The following KIF16B variants were observed in gnomAD, a reference collection of about 807,000 sequenced individuals.
The protein encoded by KIF16B is kinesin-like protein KIF16B.
Under a neutral mutation model 156.3 loss-of-function variants are expected in KIF16B, and 98 were observed. The ratio of observed to expected loss-of-function variants is 0.63; its 90% CI spans 0.53 to 0.74. The LOEUF is 0.74. Among genes scored for constraint, KIF16B ranks in the 30% least tolerant of loss-of-function variants. The pLI, the probability that KIF16B is intolerant of heterozygous loss-of-function variation, is 0.00. For synonymous variants in KIF16B, 564 were observed against 583.7 expected, an observed-to-expected ratio of 0.97 and a Z score of 0.49; for missense variants, 1,421 against 1,606.5, an observed-to-expected ratio of 0.88 and a Z score of 1.97.
At chr20:16,343,600 A>C (rs185100571) in intron 23 of KIF16B, among the ~76,000 whole-genome samples, 11 of 152,318 alleles carry the variant, frequency 7.2e-5, no homozygotes, top group Non-Finnish European at 1.5e-4. Context: ...GTTCTGTCTG[A>C]TTTTTGCAAA....
At chr20:16,394,490 A>C (rs186589021) in intron 17 of KIF16B, among the ~76,000 whole-genome samples, 63 of 152,366 alleles carry the variant, frequency 4.1e-4, no homozygotes, top group Admixed American at 3.1e-3. Context: ...ATCTATAGCC[A>C]ACTGTAAAGT....
In KIF16B at chr20:16,427,185, T is replaced by TC; in HGVS notation, c.1530dup (p.Thr511AspfsTer42). The TC allele has an allele frequency of 6.2e-7, 1 of 1,612,454 alleles. No individual in the cohort carries two copies. The highest frequency in any genetic ancestry group is 8.5e-7 in the Non-Finnish European group (1 of 1,179,106). ...CCACTCAGGGGTATCAGAGTCACTGTCCCCCCGATATTTTCAAAGATGCAA... is the reference window on the plus strand; with the variant it reads ...CCACTCAGGGGTATCAGAGTCACTGTCCCCCCCGATATTTTCAAAGATGCAA... On this transcript the variant is annotated frameshift_variant, in exon 15 of 26. Coordinates refer to ENST00000354981, the MANE Select transcript of KIF16B (RefSeq NM_024704.5). LOFTEE classifies it high-confidence loss of function.
At chr20:16,476,596 C>T (rs895277434) in intron 12 of KIF16B, among the ~76,000 whole-genome samples, 5 of 151,984 alleles carry the variant, frequency 3.3e-5, no homozygotes, top group African/African-American at 1.2e-4. Flanking sequence ...GCAAATGAGC[C>T]CATTATAGAA....
rs549006533 is a variant in KIF16B at position 16,385,654 on chromosome 20, C to T, written c.1785-3907G>A. Among the ~76,000 whole-genome samples the T allele has an allele frequency of 2.0e-5, 3 of 152,244 alleles. No individual in the cohort carries two copies. In the South Asian group the frequency reaches 6.2e-4, roughly 32 times the overall value. ...ACACATCGAGGGCTGAGTGTTGCCT[C>T]GCATTGCTGTGGTTCACTGAGATGA... is the stretch of plus-strand genomic sequence containing the variant. On this transcript the variant is annotated intron_variant, in intron 17 of 25. Coordinates refer to ENST00000354981, the MANE Select transcript of KIF16B (RefSeq NM_024704.5).
At chr20:16,495,834 G>C (rs1228139180) in intron 11 of KIF16B, among the ~76,000 whole-genome samples, 1 of 152,016 alleles carries the variant, frequency 6.6e-6, no homozygotes, top group African/African-American at 2.4e-5. Context: ...GGGACTACAG[G>C]TGCACACCAC....
intron 23 of KIF16B, among the ~76,000 whole-genome samples, chr20:16,342,869 T>C (rs1348945415): frequency 6.6e-6 from 1 of 152,126 alleles, no homozygotes; most frequent in African/African-American, 2.4e-5. Context: ...AGAAAAAGCG[T>C]TAAATCCTTT....
intron 12 of KIF16B, among the ~76,000 whole-genome samples, chr20:16,444,864 C>A (rs2066891714): frequency 6.6e-6 from 1 of 152,184 alleles, no homozygotes; most frequent in Non-Finnish European, 1.5e-5. Context: ...ATGATTGATT[C>A]TCATTTACAT....
intron 24 of KIF16B, among the ~76,000 whole-genome samples, chr20:16,334,486 A>C (rs1161401118): frequency 6.6e-6 from 1 of 152,200 alleles, no homozygotes; most frequent in African/African-American, 2.4e-5. Flanking sequence ...AAGTTTCCTA[A>C]ATTTTTAATA....
chr20:16,334,078 G>A (rs1402187460), intron 24 of KIF16B, among the ~76,000 whole-genome samples: 4 of 152,164 alleles, frequency 2.6e-5, no homozygotes, highest in African/African-American at 9.7e-5. Context: ...CCAGAAAAAT[G>A]TGCCTACACA....
chr20:16,397,428 A>G lies in KIF16B; in HGVS notation c.1784+7385T>C, dbSNP rs56037543. Among the ~76,000 whole-genome samples, 1,466 of 152,332 alleles carry G rather than the reference A, an allele frequency of 9.6e-3. 10 individuals are homozygous for G. Among genetic ancestry groups the G allele is most frequent in the Middle Eastern group, 0.051 (15 of 294 alleles). On this transcript the variant is annotated intron_variant, in intron 17 of 25. Coordinates refer to ENST00000354981, the MANE Select transcript of KIF16B (RefSeq NM_024704.5). The stretch of plus-strand genomic sequence containing the variant: ...ATGTTCCAACTCTATGTGCCCAGTT[A>G]GGCTGATACAATGTTCTTGGGGAAC...
chr20:16,488,307 G>A (rs2068184889), intron 12 of KIF16B, among the ~76,000 whole-genome samples: 1 of 152,234 alleles, frequency 6.6e-6, no homozygotes, highest in Non-Finnish European at 1.5e-5. Flanking sequence ...CTGTCAAAGG[G>A]CTGCCAGCTT....
chr20:16,376,726 T>G (rs1356799765), intron 19 of KIF16B, among the ~76,000 whole-genome samples: 1 of 152,224 alleles, frequency 6.6e-6, no homozygotes, highest in Non-Finnish European at 1.5e-5. Flanking sequence ...TTATACAGTA[T>G]TAATACTAAA....
chr20:16,351,466 C>T (rs987902766), intron 23 of KIF16B, among the ~76,000 whole-genome samples: 5 of 152,206 alleles, frequency 3.3e-5, no homozygotes, highest in Non-Finnish European at 7.3e-5. Context: ...GAGAGGCATG[C>T]GAAGCGGGGT....
At chr20:16,500,457 T>C (rs372961031) in intron 10 of KIF16B, among the ~76,000 whole-genome samples, 1 of 152,198 alleles carries the variant, frequency 6.6e-6, no homozygotes, top group Non-Finnish European at 1.5e-5. Flanking sequence ...CATTATGTTA[T>C]ATAAATATGC....
intron 1 of KIF16B, among the ~76,000 whole-genome samples, chr20:16,531,876 T>C (rs995864155): frequency 1.3e-5 from 2 of 152,064 alleles, no homozygotes; most frequent in African/African-American, 4.8e-5. Flanking sequence ...GAGACCAGCC[T>C]GGCCAACATG....
intron 12 of KIF16B, among the ~76,000 whole-genome samples, chr20:16,462,873 C>T (rs1299360201): frequency 6.6e-6 from 1 of 152,184 alleles, no homozygotes; most frequent in African/African-American, 2.4e-5. Context: ...GGAGGCTCCA[C>T]CTTCCATTTT....
intron 23 of KIF16B, among the ~76,000 whole-genome samples, chr20:16,336,640 A>G (rs960441452): frequency 2.6e-5 from 4 of 152,134 alleles, no homozygotes; most frequent in Admixed American, 2.6e-4. Context: ...CATGTCACCC[A>G]GGAACCTCCA....
rs200480663 is a variant in KIF16B at position 16,400,945 on chromosome 20, C to T, written c.1784+3868G>A. ...TGTCAATGCACTTCACACTACTGAA[C>T]TGTACACTTAAAAGTCATTACCATG... is the stretch of plus-strand genomic sequence containing the variant. On this transcript the variant is annotated intron_variant, in intron 17 of 25. Coordinates refer to ENST00000354981, the MANE Select transcript of KIF16B (RefSeq NM_024704.5). Among the ~76,000 whole-genome samples the T allele has an allele frequency of 7.9e-5, 12 of 152,298 alleles. No individual in the cohort carries two copies. The East Asian group carries it at 2.3e-3, about 29-fold the overall frequency.
At chr20:16,571,184 T>A (rs2071435967) in intron 1 of KIF16B, among the ~76,000 whole-genome samples, 1 of 152,156 alleles carries the variant, frequency 6.6e-6, no homozygotes, top group Non-Finnish European at 1.5e-5. Flanking sequence ...CAAACCTCAG[T>A]TAATGACTCT....
Sources: gnomAD v4.1 joint callset for allele counts (sites outside exome capture counted in the v4.1 genomes callset) on GRCh38, gnomAD v4.1.1 for gene constraint, MANE v1.5 for transcripts, NCBI Gene and HGNC (gene_info 2026-07-23, HGNC 2026-07-21) for gene names.